Variants in DLGAP5 observed in about 807,000 individuals in gnomAD.
The protein encoded by DLGAP5 is disks large-associated protein 5.
In DLGAP5, 90 loss-of-function variants were observed where a neutral mutation model predicts 99.6. That is an observed-to-expected ratio of 0.90 (90% CI 0.76 to 1.08). The LOEUF (loss-of-function observed/expected upper bound fraction) is 1.08. Among genes scored for constraint, DLGAP5 ranks in the 50% least tolerant of loss-of-function variants. DLGAP5 has a pLI of 0.00. For missense variants in DLGAP5, 1,036 were observed against 983.5 expected (o/e 1.05, Z -0.71); for synonymous variants, 311 against 321.3 (o/e 0.97, Z 0.34).
intron 5 of DLGAP5, among the ~76,000 whole-genome samples, 177 bp downstream of exon 5, chr14:55,181,036 G>T (rs970914952): frequency 6.6e-6 from 1 of 152,130 alleles, no homozygotes. Context: ...GATCACTTGA[G>T]CCCAGGAGGT....
Position 55,180,730 on chromosome 14 carries a change from G to A in DLGAP5, c.629C>T (p.Thr210Ile). The A allele has an allele frequency of 6.2e-7, 1 of 1,614,130 alleles. No individual in the cohort carries two copies. The highest frequency in any genetic ancestry group is 8.5e-7 in the Non-Finnish European group (1 of 1,180,014). Residue 210 changes from threonine (T) to isoleucine (I), a missense_variant, in exon 6 of 19, where the codon ACT becomes ATT. Thr to Ile is a moderately conservative substitution (Grantham distance 89). Coordinates refer to ENST00000247191, the MANE Select transcript of DLGAP5 (RefSeq NM_014750.5). Reference protein sequence around the residue: ...PTSLRMTRSATQAAKQVPRTV... With the variant: ...PTSLRMTRSAIQAAKQVPRTV... Reference sequence around the variant, plus strand: ...TCTGGGAACCTGCTTTGCTGCTTGAGTAGCTGATCGAGTCATTCTCAACGA... The same window carrying A: ...TCTGGGAACCTGCTTTGCTGCTTGAATAGCTGATCGAGTCATTCTCAACGA...
At chr14:55,151,022 T>G (rs1043536376) in intron 17 of DLGAP5, among the ~76,000 whole-genome samples, 174 bp from the exon 18 acceptor site, 1 of 152,202 alleles carries the variant, frequency 6.6e-6, no homozygotes, top group African/African-American at 2.4e-5. Flanking sequence ...ATCCTTAACT[T>G]TGGTATAAAA....
At chr14:55,175,309 A>C in intron 10 of DLGAP5, 37 bp downstream of exon 10, 3 of 1,586,508 alleles carry the variant, frequency 1.9e-6, no homozygotes, top group Non-Finnish European at 2.6e-6. Context: ...TCTAGATATT[A>C]ATACAAAATT....
Position 55,148,280 on chromosome 14 carries a change from A to G in DLGAP5, c.*71T>C. On this transcript the variant is annotated 3_prime_UTR_variant, in exon 19 of 19. Transcript: ENST00000247191. ...AGTGAACACAAATACATTTTCTCCAAAATTTCAATAGTCTAAGGAATATAT... is the reference window on the plus strand; with the variant it reads ...AGTGAACACAAATACATTTTCTCCAGAATTTCAATAGTCTAAGGAATATAT... The G allele has an allele frequency of 6.7e-7, 1 of 1,496,276 alleles. No homozygotes were observed. Among genetic ancestry groups the G allele is most frequent in the Non-Finnish European group, 9.1e-7 (1 of 1,097,146 alleles). The allele number at this position is 1,496,276 out of a possible 1,614,324, so 92.7% of individuals were successfully genotyped here.
rs1200694845 is a variant in DLGAP5 at position 55,171,511 on chromosome 14, G to A, written c.1302-724C>T. On this transcript the variant is annotated intron_variant, in intron 10 of 18. Transcript: ENST00000247191. ...TGTAGAGAAACTGGAACCCTTGTAT[G>A]CTGTTGATGGGAATGTAAAACGGCA... Among the ~76,000 whole-genome samples, 3 of 152,204 alleles carry A rather than the reference G, an allele frequency of 2.0e-5. No individual in the cohort carries two copies. The East Asian group carries it at 5.8e-4, about 29-fold the overall frequency.
chr14:55,148,660 C>T (rs1881906380), intron 18 of DLGAP5, 187 bp from the exon 19 acceptor site: 1 of 1,243,420 alleles, frequency 8.0e-7, no homozygotes, highest in East Asian at 2.6e-5. Context: ...TCAAGACCAG[C>T]CCGAGCAACA....
At chr14:55,156,945 T>C (rs1882234258) in intron 14 of DLGAP5, among the ~76,000 whole-genome samples, 2 of 152,096 alleles carry the variant, frequency 1.3e-5, no homozygotes, top group Non-Finnish European at 2.9e-5. Context: ...AAACAGTAAG[T>C]ACAGGAAAGA....
At chr14:55,173,928 T>C (rs186692759) in intron 10 of DLGAP5, among the ~76,000 whole-genome samples, 5 of 152,300 alleles carry the variant, frequency 3.3e-5, no homozygotes, top group Admixed American at 1.3e-4. Flanking sequence ...ACTGCACAAA[T>C]TGTACAGCAT....
chr14:55,158,976 T>C (rs1882313455), intron 13 of DLGAP5, among the ~76,000 whole-genome samples: 2 of 150,690 alleles, frequency 1.3e-5, no homozygotes, highest in Non-Finnish European at 2.9e-5. Context: ...CTGGGAAGAA[T>C]AGTAAGAAGG....
Position 55,150,802 on chromosome 14 carries a change from A to G in DLGAP5, c.2415T>C (p.Asp805=). The part of the protein sequence containing the change: ...KSLTTECHLL[D]SPGLNCSNPF... ...CTTGTCAAGTTGGAAAACTTACTGA[A>G]TCAAGAAGGTGGCATTCAGTAGTGA... The change falls in exon 18 of 19, where the codon GAT becomes GAC. Residue 805 remains aspartate (D), a synonymous_variant. Transcript: ENST00000247191. 6.3e-7 allele frequency: 1 copy of G among 1,574,956 alleles called. No individual in the cohort carries two copies. Among genetic ancestry groups the G allele is most frequent in the East Asian group, 2.3e-5 (1 of 43,016 alleles).
intron 14 of DLGAP5, among the ~76,000 whole-genome samples, chr14:55,155,915 C>T (rs1285094414): frequency 1.3e-5 from 2 of 151,478 alleles, no homozygotes; most frequent in African/African-American, 2.4e-5. Flanking sequence ...GGTAAAACCC[C>T]GTCTCTACTA....
At chr14:55,155,191 A>T (rs1882166708) in intron 14 of DLGAP5, among the ~76,000 whole-genome samples, 1 of 143,906 alleles carries the variant, frequency 6.9e-6, no homozygotes. Context: ...CGCCTGGCTA[A>T]TTTTTGTATT....
rs1883519185 is a variant in DLGAP5, at chr14:55,189,002, G to C, written c.178C>G (p.Leu60Val). Residue 60 changes from leucine (L) to valine (V), a missense_variant, in exon 2 of 19, where the codon CTT becomes GTT. Physicochemically the swap from Leu to Val is conservative, Grantham distance 32. Coordinates refer to ENST00000247191, the MANE Select transcript of DLGAP5 (RefSeq NM_014750.5). ...VNIPTLEGRILVELDETSQGL... is the reference protein window; with the variant it reads ...VNIPTLEGRIVVELDETSQGL... Reference sequence around the variant, plus strand: ...TGAGATGTCTCATCTAATTCAACAAGAATTCTACCTTCCAAGGTTGGAATG... The same window carrying C: ...TGAGATGTCTCATCTAATTCAACAACAATTCTACCTTCCAAGGTTGGAATG... 1 of 1,613,778 alleles carries C rather than the reference G, an allele frequency of 6.2e-7. No individual in the cohort carries two copies.
chr14:55,150,720 G>A, intron 18 of DLGAP5, 79 bp downstream of exon 18: 1 of 1,110,620 alleles, frequency 9.0e-7, no homozygotes. Flanking sequence ...TTTAAGCCTT[G>A]TACACAAATA....
At chr14:55,169,906 G>A (rs559362636) in intron 11 of DLGAP5, among the ~76,000 whole-genome samples, 3 of 152,258 alleles carry the variant, frequency 2.0e-5, no homozygotes, top group African/African-American at 7.2e-5. Context: ...AGGCCAAGGT[G>A]GGCGGCTCAC....
intron 10 of DLGAP5, among the ~76,000 whole-genome samples, chr14:55,174,999 A>G (rs970720110): frequency 1.3e-5 from 2 of 152,202 alleles, no homozygotes; most frequent in African/African-American, 4.8e-5. Context: ...TATTGTCCAT[A>G]TTTTTTAAAA....
At chr14:55,188,750 G>A (rs1236870559) in intron 2 of DLGAP5, among the ~76,000 whole-genome samples, 192 bp downstream of exon 2, 1 of 141,546 alleles carries the variant, frequency 7.1e-6, no homozygotes, top group Non-Finnish European at 1.5e-5. Flanking sequence ...CCGCCTGGGT[G>A]ACACAGTGAG....
At position 55,177,111 on chromosome 14, in the gene DLGAP5, T is replaced by G; in HGVS notation, c.1000A>C (p.Asn334His). ...QVTPMTPRSA[N>H]AFLTPSYTWT... is the part of the protein sequence containing the mutation. ...GTGTAACTGGGTGTCAAAAAAGCAT[T>G]GGCACTTCTGGGAGTCATAGGTGTT... Residue 334 changes from asparagine to histidine, a missense_variant, in exon 8 of 19, where the codon AAT becomes CAT. Asn to His is a moderately conservative substitution (Grantham distance 68). Transcript: ENST00000247191. The G allele has an allele frequency of 6.5e-7, 1 of 1,540,320 alleles. No individual in the cohort carries two copies. The highest frequency in any genetic ancestry group is 2.4e-5 in the East Asian group (1 of 42,280).
chr14:55,166,112 G>A (rs1189953490), intron 12 of DLGAP5, among the ~76,000 whole-genome samples: 2 of 152,152 alleles, frequency 1.3e-5, no homozygotes, highest in Non-Finnish European at 2.9e-5. Context: ...AATATTCACA[G>A]GTTATTCATA....
Sources: allele counts gnomAD v4.1 joint callset (sites outside exome capture counted in the v4.1 genomes callset), GRCh38; gene constraint gnomAD v4.1.1; transcripts MANE v1.5; gene names NCBI Gene and HGNC (gene_info 2026-07-23, HGNC 2026-07-21).